The following ZNF383 variants were observed in gnomAD, a reference collection of about 807,000 sequenced individuals.
ZNF383 encodes the protein zinc finger protein 383.
ZNF383 carries 32 observed loss-of-function variants against 44.2 expected under a neutral mutation model. That is an observed-to-expected ratio of 0.72 (90% CI 0.55 to 0.97). The LOEUF (loss-of-function observed/expected upper bound fraction) is 0.97, where lower values mean the gene tolerates loss of function less well. Among genes scored for constraint, ZNF383 ranks in the 50% least tolerant of loss-of-function variants. The pLI, the probability that ZNF383 is intolerant of heterozygous loss-of-function variation, is 0.00. For missense variants in ZNF383, 487 were observed against 562.5 expected (o/e 0.87, Z 1.36); for synonymous variants, 155 against 186.2 (o/e 0.83, Z 1.36).
intron 3 of ZNF383, among the ~76,000 whole-genome samples, chr19:37,231,016 C>T (rs987821548): frequency 6.6e-6 from 1 of 152,132 alleles, no homozygotes; most frequent in Non-Finnish European, 1.5e-5. Context: ...AGTCCAATTT[C>T]AGGTTGGATA....
chr19:37,235,712 C>T (rs1241645272), intron 4 of ZNF383, 37 bp downstream of exon 4: 7 of 1,544,120 alleles, frequency 4.5e-6, no homozygotes, highest in East Asian at 2.3e-5. Flanking sequence ...CAGTTCTCCT[C>T]TGGAATGTCT....
intron 5 of ZNF383, among the ~76,000 whole-genome samples, chr19:37,237,905 C>G (rs1302822201): frequency 1.3e-5 from 2 of 151,642 alleles, no homozygotes; most frequent in African/African-American, 4.8e-5. Flanking sequence ...CTCTGTCACC[C>G]AGGCTGGAGT....
chr19:37,240,692 A>G (rs754575473), intron 5 of ZNF383, among the ~76,000 whole-genome samples: 1 of 152,262 alleles, frequency 6.6e-6, no homozygotes, highest in South Asian at 2.1e-4. Flanking sequence ...TCCCCAGCAC[A>G]TAAAATAATT....
chr19:37,227,664 C>A, intron 2 of ZNF383: 1 of 152,592 alleles, frequency 6.6e-6, no homozygotes, highest in South Asian at 1.9e-4. Flanking sequence ...GTATTGGCCC[C>A]GAATGCCTGG....
rs533713560 is a variant in ZNF383 at position 37,220,219 on chromosome 19, GTTTTC to G, written c.-168+1960_-168+1964del. ...AAATTATGTATGGTTCTTATATTTG[GTTTTC>G]TTTTCTTTTCTTTTTTTTTCTTGAG... On this transcript the variant is annotated intron_variant, in intron 1 of 5. Coordinates refer to ENST00000684119, the MANE Select transcript of ZNF383 (RefSeq NM_001387601.1). Among the ~76,000 whole-genome samples, 14 of 152,016 alleles carry G rather than the reference GTTTTC, an allele frequency of 9.2e-5. No individual in the cohort carries two copies. In the South Asian group the frequency reaches 1.7e-3, roughly 18 times the overall value.
intron 5 of ZNF383, among the ~76,000 whole-genome samples, chr19:37,242,261 C>T (rs977814478): frequency 8.6e-5 from 13 of 151,600 alleles, no homozygotes; most frequent in African/African-American, 2.7e-4. Flanking sequence ...AACTTATTTG[C>T]GTAGTTACCT....
Position 37,235,963 on chromosome 19 carries a change from C to A in ZNF383, c.137-16C>A. The A allele has an allele frequency of 6.2e-7, 1 of 1,603,396 alleles. No individual in the cohort carries two copies. The highest frequency in any genetic ancestry group is 1.1e-5 in the South Asian group (1 of 89,964). On this transcript the variant is annotated splice_polypyrimidine_tract_variant and intron_variant, in intron 4 of 5. Transcript: ENST00000684119. ...CCCCCAGCATAACCATGTTCCATAT[C>A]TTTTCTCGTGAGCAGGACTTTACAC...
At chr19:37,225,535 A>G (rs1346779312) in intron 2 of ZNF383, among the ~76,000 whole-genome samples, 2 of 152,096 alleles carry the variant, frequency 1.3e-5, no homozygotes, top group Admixed American at 6.6e-5. Context: ...CCTGGCAGCC[A>G]CTGTTCTACT....
chr19:37,241,970 A>G (rs1353799365), intron 5 of ZNF383, among the ~76,000 whole-genome samples: 1 of 141,834 alleles, frequency 7.1e-6, no homozygotes, highest in Non-Finnish European at 1.5e-5. Context: ...TATATATACT[A>G]TATAGTATGT....
At position 37,242,481 on chromosome 19, in the gene ZNF383, T is replaced by TG; in HGVS notation, c.246dup (p.Cys83ValfsTer2). The TG allele has an allele frequency of 6.3e-7, 1 of 1,579,222 alleles. No homozygotes were observed. Among genetic ancestry groups the TG allele is most frequent in the East Asian group, 2.3e-5 (1 of 44,362 alleles). ...TATTTTCTTTCAGATCTGGAATCGA[T>TG]GTGTGAAACCAAGTTATTATCTCTA... On this transcript the variant is annotated frameshift_variant, in exon 6 of 6. Coordinates refer to ENST00000684119, the MANE Select transcript of ZNF383 (RefSeq NM_001387601.1). LOFTEE classifies it high-confidence loss of function.
chr19:37,223,169 C>T (rs1973005113), intron 1 of ZNF383, among the ~76,000 whole-genome samples: 1 of 152,108 alleles, frequency 6.6e-6, no homozygotes, highest in East Asian at 1.9e-4. Context: ...CCCAATAAAG[C>T]TATATGGTAT....
intron 3 of ZNF383, among the ~76,000 whole-genome samples, chr19:37,230,701 A>G (rs1435165897): frequency 6.6e-6 from 1 of 152,080 alleles, no homozygotes. Context: ...CTTTTTCTGA[A>G]CTCTTTCCCA....
chr19:37,229,614 ATGTGTG>A (rs544243696), intron 2 of ZNF383, among the ~76,000 whole-genome samples: 2 of 128,826 alleles, frequency 1.6e-5, no homozygotes, highest in East Asian at 4.4e-4. Context: ...ATATATATAT[ATGTGTG>A]TGTGTGTGTG....
At chr19:37,222,811 G>C (rs1220099520) in intron 1 of ZNF383, among the ~76,000 whole-genome samples, 1 of 152,050 alleles carries the variant, frequency 6.6e-6, no homozygotes, top group Non-Finnish European at 1.5e-5. Flanking sequence ...ATTTGTCTTG[G>C]GTGTATTTCT....
At chr19:37,237,364 G>T (rs1973866205) in intron 5 of ZNF383, among the ~76,000 whole-genome samples, 3 of 152,054 alleles carry the variant, frequency 2.0e-5, no homozygotes, top group Non-Finnish European at 4.4e-5. Context: ...TAGAGATATT[G>T]TTGGGGCCAA....
chr19:37,235,098 C>G (rs1293048505), intron 3 of ZNF383, among the ~76,000 whole-genome samples: 3 of 151,918 alleles, frequency 2.0e-5, no homozygotes, highest in Non-Finnish European at 4.4e-5. Context: ...CATGGTGAAA[C>G]CCTGTCTCTA....
intron 1 of ZNF383, among the ~76,000 whole-genome samples, chr19:37,221,613 G>T (rs1337293854): frequency 6.6e-6 from 1 of 151,502 alleles, no homozygotes; most frequent in Non-Finnish European, 1.5e-5. Flanking sequence ...ATTCTGAAAA[G>T]TACAAAATCA....
chr19:37,225,852 C>T (rs868258240), intron 2 of ZNF383, among the ~76,000 whole-genome samples: 7 of 148,116 alleles, frequency 4.7e-5, no homozygotes, highest in African/African-American at 1.2e-4. Context: ...TGCAATGGTG[C>T]GATCTCAGGT....
At chr19:37,219,095 G>A (rs1330381990) in intron 1 of ZNF383, among the ~76,000 whole-genome samples, 1 of 152,022 alleles carries the variant, frequency 6.6e-6, no homozygotes, top group East Asian at 1.9e-4. Flanking sequence ...GGTCTATGTG[G>A]GTCCCCATGG....
Sources: gnomAD v4.1 joint callset for allele counts (sites outside exome capture counted in the v4.1 genomes callset) on GRCh38, gnomAD v4.1.1 for gene constraint, MANE v1.5 for transcripts, NCBI Gene and HGNC (gene_info 2026-07-23, HGNC 2026-07-21) for gene names.